Variants in BIRC6 observed in about 807,000 individuals in gnomAD.
BIRC6 encodes the protein baculoviral IAP repeat containing 6, also known as dual E2 ubiquitin-conjugating enzyme/E3 ubiquitin-protein ligase BIRC6.
Under a neutral mutation model 503.3 loss-of-function variants are expected in BIRC6, and 98 were observed. That is an observed-to-expected ratio of 0.19 (90% CI 0.17 to 0.23). BIRC6 has a LOEUF of 0.23. Ranked by LOEUF, BIRC6 falls within the 10% of genes least tolerant of loss-of-function variation. The pLI is 1.00. For synonymous variants in BIRC6, 2,240 were observed against 2,078.7 expected (o/e 1.08, Z -2.11); for missense variants, 5,360 against 5,806.0 (o/e 0.92, Z 2.50).
chr2:32,513,140 C>T lies in BIRC6; in HGVS notation c.10554C>T (p.Asp3518=), dbSNP rs1389998595. ...LVEYDLPALL[D]QELFELLFNW... Reference sequence around the variant, plus strand: ...AATATGACTTACCAGCACTCCTGGACCAAGAGCTCTTTGAGTAAGTATGAT... The same window carrying T: ...AATATGACTTACCAGCACTCCTGGATCAAGAGCTCTTTGAGTAAGTATGAT... The change falls in exon 54 of 74, where the codon GAC becomes GAT. Residue 3518 remains aspartate, a synonymous_variant. Transcript: ENST00000421745. The T allele has an allele frequency of 6.2e-7, 1 of 1,612,934 alleles. No individual in the cohort carries two copies. Among genetic ancestry groups the T allele is most frequent in the Non-Finnish European group, 8.5e-7 (1 of 1,179,258 alleles).
chr2:32,417,377 C>G (rs1274371694), intron 10 of BIRC6, among the ~76,000 whole-genome samples: 2 of 152,286 alleles, frequency 1.3e-5, no homozygotes, highest in East Asian at 1.9e-4. Flanking sequence ...CTCCTGAGTT[C>G]AAGTGATCTG....
In BIRC6 at chr2:32,578,989, T is replaced by TATATATATATATATATATAC. The variant is rs1480624603; in HGVS notation, c.13355+3624_13355+3625insTATATATATATATATATACA. Reference sequence around the variant, plus strand: ...TATTTTTATATACCTAATATATATATACACTTAATATATATATATACCTAA... The same window carrying TATATATATATATATATATAC: ...TATTTTTATATACCTAATATATATATATATATATATATATATATACACACTTAATATATATATATACCTAA... On this transcript the variant is annotated intron_variant, in intron 66 of 73. Transcript: ENST00000421745. 1.4e-3 allele frequency among the ~76,000 whole-genome samples: 124 copies of TATATATATATATATATATAC among 89,648 alleles called. 7 individuals are homozygous for TATATATATATATATATATAC. Among genetic ancestry groups the TATATATATATATATATATAC allele is most frequent in the Admixed American group, 6.6e-3 (61 of 9,302 alleles). 58.8% of individuals were successfully genotyped at this position (89,648 alleles called of 152,430 possible).
intron 1 of BIRC6, among the ~76,000 whole-genome samples, chr2:32,368,438 G>C (rs2035286640): frequency 6.6e-6 from 1 of 152,198 alleles, no homozygotes; most frequent in South Asian, 2.1e-4. Flanking sequence ...TACTCAGGAG[G>C]CTGAGGCAGA....
chr2:32,446,150 C>A (rs753097945), intron 21 of BIRC6, among the ~76,000 whole-genome samples: 2 of 152,160 alleles, frequency 1.3e-5, no homozygotes, highest in Non-Finnish European at 2.9e-5. Context: ...GCCACCGTGC[C>A]CGGCCAGAAA....
At chr2:32,421,627 A>G (rs1316115324) in intron 10 of BIRC6, among the ~76,000 whole-genome samples, 2 of 152,190 alleles carry the variant, frequency 1.3e-5, no homozygotes, top group Admixed American at 1.3e-4. Context: ...TTAGCCTCCA[A>G]ATACTTGAGG....
chr2:32,617,730 C>T lies in BIRC6; in HGVS notation c.14400C>T (p.His4800=). 6.2e-7 allele frequency: 1 copy of T among 1,613,692 alleles called. No individual in the cohort carries two copies. The highest frequency in any genetic ancestry group is 1.1e-5 in the South Asian group (1 of 91,052). Residue 4800 remains histidine, a synonymous_variant, in exon 74 of 74, where the codon CAC becomes CAT. Coordinates refer to ENST00000421745, the MANE Select transcript of BIRC6 (RefSeq NM_016252.4). ...MSHHAAALKR[H]TAQLREELLK... The stretch of plus-strand genomic sequence containing the variant: ...AGTCCTTTTCTCCTGCATAGCGTCA[C>T]ACTGCTCAGCTCCGCGAAGAGTTGC...
At chr2:32,512,848 T>A in intron 53 of BIRC6, 85 bp from the exon 54 acceptor site, 1 of 961,404 alleles carries the variant, frequency 1.0e-6, no homozygotes, top group Non-Finnish European at 1.6e-6. Context: ...AATACCCTAC[T>A]CACCATGCAG....
At position 32,518,436 on chromosome 2, in the gene BIRC6, G is replaced by A. The variant is rs113129064; in HGVS notation, c.11493+39G>A. 12,586 of 1,571,718 alleles carry A rather than the reference G, an allele frequency of 8.0e-3. 93 individuals carry two copies. Among genetic ancestry groups the A allele is most frequent in the Middle Eastern group, 0.033 (196 of 5,916 alleles). ...ACTTAATCATTGGCTGTGTATACATGTATTTTACAATTTTGTATCAGAGCC... is the reference window on the plus strand; with the variant it reads ...ACTTAATCATTGGCTGTGTATACATATATTTTACAATTTTGTATCAGAGCC... On this transcript the variant is annotated intron_variant, in intron 56 of 73. Transcript: ENST00000421745.
intron 39 of BIRC6, among the ~76,000 whole-genome samples, chr2:32,483,049 C>A (rs962037153): frequency 6.6e-6 from 1 of 151,596 alleles, no homozygotes. Context: ...TCTTGAGTAG[C>A]TGGGAGTATA....
At chr2:32,388,613 C>T in intron 3 of BIRC6, 137 bp from the exon 4 acceptor site, 2 of 629,604 alleles carry the variant, frequency 3.2e-6, no homozygotes, top group Non-Finnish European at 5.0e-6. Flanking sequence ...CTGCAAGTTT[C>T]TGTTTTAAAT....
chr2:32,535,205 A>G (rs951064358), intron 61 of BIRC6, among the ~76,000 whole-genome samples: 3 of 149,098 alleles, frequency 2.0e-5, no homozygotes, highest in Non-Finnish European at 4.5e-5. Flanking sequence ...TATAAAAACC[A>G]GCTATAAAGA....
intron 22 of BIRC6, among the ~76,000 whole-genome samples, chr2:32,452,623 A>G (rs550581421): frequency 1.3e-5 from 2 of 152,246 alleles, no homozygotes; most frequent in East Asian, 1.9e-4. Flanking sequence ...GAGCAAATGT[A>G]TGAAACTCTC....
chr2:32,468,905 A>T, intron 29 of BIRC6, 122 bp downstream of exon 29: 1 of 707,524 alleles, frequency 1.4e-6, no homozygotes, highest in Non-Finnish European at 2.3e-6. Flanking sequence ...AAATGTCAGT[A>T]TTTATGAAAT....
At chr2:32,520,542 G>T (rs1401951464) in intron 57 of BIRC6, among the ~76,000 whole-genome samples, 2 of 152,148 alleles carry the variant, frequency 1.3e-5, no homozygotes, top group African/African-American at 2.4e-5. Context: ...AATGGGCCAG[G>T]CTTGTTGGCT....
At position 32,415,084 on chromosome 2, in the gene BIRC6, A is replaced by C; in HGVS notation, c.1793A>C (p.Gln598Pro). ...HRSLDGLSRT[Q>P]GESISEQGST... is the part of the protein sequence containing the mutation. ...TCACTGGATGGTTTAAGCAGAACTCAGGGTGAAAGTATATCAGAACAAGGG... is the reference window on the plus strand; with the variant it reads ...TCACTGGATGGTTTAAGCAGAACTCCGGGTGAAAGTATATCAGAACAAGGG... The change falls in exon 10 of 74, where the codon CAG (glutamine) becomes CCG (proline). Residue 598 changes from glutamine (Q) to proline (P), a missense_variant. Transcript: ENST00000421745. The C allele has an allele frequency of 6.2e-7, 1 of 1,613,922 alleles. No individual in the cohort carries two copies. Among genetic ancestry groups the C allele is most frequent in the South Asian group, 1.1e-5 (1 of 91,058 alleles).
Position 32,405,983 on chromosome 2 carries a change from G to T in BIRC6, c.1419-516G>T, listed in dbSNP as rs187767280. 3.7e-3 allele frequency among the ~76,000 whole-genome samples: 556 copies of T among 152,210 alleles called. 5 individuals are homozygous for T. The highest frequency in any genetic ancestry group is 8.1e-3 in the Admixed American group (124 of 15,286). ...TATTTCAGTTAGGCATTTATTTAAT[G>T]ATTTAAGAAGATTTTTGTCAGTGTT... is the stretch of plus-strand genomic sequence containing the variant. On this transcript the variant is annotated intron_variant, in intron 8 of 73. Coordinates refer to ENST00000421745, the MANE Select transcript of BIRC6 (RefSeq NM_016252.4).
chr2:32,445,464 C>G, intron 20 of BIRC6, 57 bp from the exon 21 acceptor site: 4 of 1,404,954 alleles, frequency 2.8e-6, no homozygotes, highest in Non-Finnish European at 3.8e-6. Context: ...CTTAAATTCT[C>G]ATTGTTAGAG....
At chr2:32,537,840 C>T (rs2057357939) in intron 61 of BIRC6, among the ~76,000 whole-genome samples, 3 of 151,966 alleles carry the variant, frequency 2.0e-5, no homozygotes, top group Non-Finnish European at 4.4e-5. Flanking sequence ...GTGGCAGGTG[C>T]CTGTAGTCCC....
chr2:32,502,951 T>G lies in BIRC6; in HGVS notation c.9304+60T>G. 19 of 1,531,244 alleles carry G rather than the reference T, an allele frequency of 1.2e-5. No individual in the cohort carries two copies. The South Asian group carries it at 2.1e-4, about 17-fold the overall frequency. 94.9% of individuals were successfully genotyped at this position (1,531,244 alleles called of 1,614,324 possible). A position where few individuals can be genotyped will look rare whatever the true frequency, so the allele number is the denominator to read the frequency against. ...TAGTTATGTGATAGTATGTTACATT[T>G]TCATTTTTGTAGTCTTTTGTGGAAG... is the stretch of plus-strand genomic sequence containing the variant. On this transcript the variant is annotated intron_variant, in intron 48 of 73. Transcript: ENST00000421745.
Sources: allele counts gnomAD v4.1 joint callset (sites outside exome capture counted in the v4.1 genomes callset), GRCh38; gene constraint gnomAD v4.1.1; transcripts MANE v1.5; gene names NCBI Gene and HGNC (gene_info 2026-07-23, HGNC 2026-07-21).